Variants in TTLL5 observed in about 807,000 individuals in gnomAD.
TTLL5 encodes the protein tubulin polyglutamylase TTLL5.
TTLL5 carries 132 observed loss-of-function variants against 168.4 expected under a neutral mutation model. The observed-to-expected ratio is 0.78, with a 90% CI of 0.68 to 0.91. The LOEUF (loss-of-function observed/expected upper bound fraction) is 0.91, where lower values mean the gene tolerates loss of function less well. Among genes scored for constraint, TTLL5 ranks in the 40% least tolerant of loss-of-function variants. The pLI is 0.00. For synonymous variants in TTLL5, 546 were observed against 558.6 expected, an observed-to-expected ratio of 0.98 and a Z score of 0.32; for missense variants, 1,545 against 1,581.5, an observed-to-expected ratio of 0.98 and a Z score of 0.39.
At chr14:75,916,552 C>T (rs944904578) in intron 31 of TTLL5, among the ~76,000 whole-genome samples, 2 of 151,992 alleles carry the variant, frequency 1.3e-5, no homozygotes, top group African/African-American at 2.4e-5. Context: ...GTGGGAGGAT[C>T]ACTTGAGCTG....
intron 2 of TTLL5, among the ~76,000 whole-genome samples, chr14:75,668,832 A>G (rs1322078261): frequency 6.6e-6 from 1 of 152,210 alleles, no homozygotes; most frequent in East Asian, 1.9e-4. Context: ...TATGTGTGCA[A>G]AGGATTACAA....
At chr14:75,669,307 A>G in intron 2 of TTLL5, 109 bp from the exon 3 acceptor site, 1 of 971,098 alleles carries the variant, frequency 1.0e-6, no homozygotes, top group Non-Finnish European at 1.6e-6. Flanking sequence ...TGGGATTTGT[A>G]TTCCAGAAGG....
chr14:75,829,131 A>G (rs532261271), intron 28 of TTLL5, among the ~76,000 whole-genome samples: 91 of 152,282 alleles, frequency 6.0e-4, no homozygotes, highest in African/African-American at 2.1e-3. Flanking sequence ...GAAATTTATC[A>G]CTCTGGCTGG....
At chr14:75,905,791 G>A (rs1384500390) in intron 31 of TTLL5, among the ~76,000 whole-genome samples, 1 of 152,196 alleles carries the variant, frequency 6.6e-6, no homozygotes, top group Non-Finnish European at 1.5e-5. Context: ...TACCATTACT[G>A]TAGGAGTCTG....
chr14:75,805,365 T>G, intron 27 of TTLL5, among the ~76,000 whole-genome samples: 1 of 152,214 alleles, frequency 6.6e-6, no homozygotes, highest in Admixed American at 6.5e-5. Flanking sequence ...ATAAAGTTGA[T>G]CATAGCAGAG....
At chr14:75,917,156 A>G (rs1252872373) in intron 31 of TTLL5, among the ~76,000 whole-genome samples, 2 of 152,216 alleles carry the variant, frequency 1.3e-5, no homozygotes, top group Non-Finnish European at 2.9e-5. Context: ...TGAACTGTAC[A>G]CTTGAAATTG....
intron 18 of TTLL5, among the ~76,000 whole-genome samples, chr14:75,754,795 A>G (rs1890144286): frequency 6.6e-6 from 1 of 152,222 alleles, no homozygotes; most frequent in Admixed American, 6.5e-5. Context: ...TTGGTAATGA[A>G]GTCACATTAA....
At chr14:75,856,815 CA>C (rs1897154044) in intron 28 of TTLL5, among the ~76,000 whole-genome samples, 1 of 151,926 alleles carries the variant, frequency 6.6e-6, no homozygotes, top group Non-Finnish European at 1.5e-5. Flanking sequence ...TTAGTAGAGA[CA>C]TGGTTTCAAC....
At chr14:75,803,071 G>A (rs543745374) in intron 27 of TTLL5, 12 of 152,456 alleles carry the variant, frequency 7.9e-5, no homozygotes, top group South Asian at 4.1e-4. Flanking sequence ...CTTTCATGCC[G>A]TGTGAAGGAA....
chr14:75,797,193 G>T (rs1893040956), intron 27 of TTLL5, among the ~76,000 whole-genome samples: 1 of 152,036 alleles, frequency 6.6e-6, no homozygotes, highest in South Asian at 2.1e-4. Flanking sequence ...TGTTGTAAAA[G>T]GGGTTAAATT....
intron 29 of TTLL5, among the ~76,000 whole-genome samples, chr14:75,881,204 G>A (rs1214519219): frequency 8.5e-5 from 13 of 152,188 alleles, no homozygotes; most frequent in South Asian, 6.2e-4. Context: ...ATTAGCCACC[G>A]AACCTGGCTT....
chr14:75,811,545 T>A (rs1451062057), intron 27 of TTLL5, among the ~76,000 whole-genome samples: 1 of 152,220 alleles, frequency 6.6e-6, no homozygotes, highest in Non-Finnish European at 1.5e-5. Context: ...TACTGCTTTT[T>A]GTCTTACAAT....
intron 30 of TTLL5, among the ~76,000 whole-genome samples, chr14:75,893,635 G>A (rs913317696): frequency 8.9e-4 from 136 of 152,034 alleles, no homozygotes; most frequent in African/African-American, 3.0e-3. Flanking sequence ...TGGCTAACAC[G>A]TTGAAACCCC....
At chr14:75,899,793 G>A (rs1367316320) in intron 30 of TTLL5, among the ~76,000 whole-genome samples, 1 of 152,134 alleles carries the variant, frequency 6.6e-6, no homozygotes, top group Non-Finnish European at 1.5e-5. Context: ...GGGTTCCAGA[G>A]AGGAGAGGGA....
rs149667741 is a variant in TTLL5 at position 75,719,954 on chromosome 14, C to G, written c.934+128C>G. On this transcript the variant is annotated intron_variant, in intron 11 of 31. Coordinates refer to ENST00000298832, the MANE Select transcript of TTLL5 (RefSeq NM_015072.5). ...GACGGGATGATTGTCCTTGGTGTTA[C>G]TTTTTCCTGCAGTTGACAAGCTGGG... 4 of 980,476 alleles carry G rather than the reference C, an allele frequency of 4.1e-6. No homozygotes were observed. The African/African-American group carries it at 6.6e-5, about 16-fold the overall frequency. The allele number at this position is 980,476 out of a possible 1,614,324, so 60.7% of individuals were successfully genotyped here.
intron 26 of TTLL5, among the ~76,000 whole-genome samples, chr14:75,784,183 G>A (rs1320737276): frequency 2.6e-5 from 4 of 151,982 alleles, no homozygotes; most frequent in South Asian, 2.1e-4. Flanking sequence ...TAGCAGCCAC[G>A]GTCTGTTTCT....
chr14:75,814,186 T>A (rs1894239432), intron 27 of TTLL5, among the ~76,000 whole-genome samples: 1 of 152,234 alleles, frequency 6.6e-6, no homozygotes, highest in Non-Finnish European at 1.5e-5. Context: ...TCCCAAGTAT[T>A]TCTGTTAAGG....
rs1411713248 is a variant in TTLL5, at chr14:75,690,238, C to T, written c.418C>T (p.Arg140Ter). ...GGACCGACTGTACAAAAACATTATTCGAATGCAGCATACACATGGATTCAA... is the reference window on the plus strand; with the variant it reads ...GGACCGACTGTACAAAAACATTATTTGAATGCAGCATACACATGGATTCAA... ...RKDRLYKNII[R>*]MQHTHGFKAF... is the part of the protein sequence containing the mutation. Residue 140 changes from arginine to a stop codon, truncating the protein, a stop_gained, in exon 6 of 32, where the codon CGA (arginine) becomes TGA (stop). Transcript: ENST00000298832. LOFTEE classifies it high-confidence loss of function. 2 of 1,612,860 alleles carry T rather than the reference C, an allele frequency of 1.2e-6. No homozygotes were observed. Among genetic ancestry groups the T allele is most frequent in the African/African-American group, 1.3e-5 (1 of 74,884 alleles).
intron 12 of TTLL5, among the ~76,000 whole-genome samples, chr14:75,730,356 T>C (rs1888454666): frequency 6.6e-6 from 1 of 152,190 alleles, no homozygotes; most frequent in South Asian, 2.1e-4. Flanking sequence ...ATGAATTCAT[T>C]GCGAAAAGAA....
Sources: allele counts gnomAD v4.1 joint callset (sites outside exome capture counted in the v4.1 genomes callset), GRCh38; gene constraint gnomAD v4.1.1; transcripts MANE v1.5; gene names NCBI Gene and HGNC (gene_info 2026-07-23, HGNC 2026-07-21).